IL6R: variants seen among roughly 807,000 people sequenced by gnomAD.
IL6R encodes the protein interleukin 6 receptor, also known as interleukin-6 receptor subunit alpha.
In IL6R, 38 loss-of-function variants were observed where a neutral mutation model predicts 48.3. The observed-to-expected ratio is 0.79, with a 90% confidence interval of 0.61 to 1.03. The LOEUF is 1.03. Ranked by LOEUF, IL6R falls within the 50% of genes least tolerant of loss-of-function variation. The pLI, the probability that IL6R is intolerant of heterozygous loss-of-function variation, is 0.00. For missense variants in IL6R, 534 were observed against 618.3 expected, an observed-to-expected ratio of 0.86 and a Z score of 1.45; for synonymous variants, 264 against 256.2, an observed-to-expected ratio of 1.03 and a Z score of -0.29.
rs1309026478 is a variant in IL6R at position 154,405,700 on chromosome 1, G to A, written c.71G>A (p.Arg24His). 1 of 1,518,472 alleles carries A rather than the reference G, an allele frequency of 6.6e-7. No individual in the cohort carries two copies. Among genetic ancestry groups the A allele is most frequent in the Non-Finnish European group, 8.8e-7 (1 of 1,140,446 alleles). The allele number at this position is 1,518,472 out of a possible 1,614,324, so 94.1% of individuals were successfully genotyped here. ...AAPGAALAPR[R>H]CPAQEVARGV... The stretch of plus-strand genomic sequence containing the variant: ...CCGGGAGCGGCGCTGGCCCCAAGGC[G>A]CTGCCCTGCGCAGGGTAAGGGCTTC... Residue 24 changes from arginine (R) to histidine (H), a missense_variant, in exon 1 of 10, where the codon CGC (arginine) becomes CAC (histidine). Physicochemically the swap from Arg to His is conservative, Grantham distance 29. Coordinates refer to ENST00000368485, the MANE Select transcript of IL6R (RefSeq NM_000565.4). The surrounding 1 kb of genome is among the most constrained non-coding windows in gnomAD (Gnocchi z 5.2).
intron 5 of IL6R, 100 bp downstream of exon 5, chr1:154,435,256 TC>T: frequency 4.2e-6 from 5 of 1,177,576 alleles, no homozygotes; most frequent in Non-Finnish European, 6.0e-6. Context: ...ACGCCTGTAA[TC>T]CCGGCCCTTT....
chr1:154,448,132 G>T lies in IL6R; in HGVS notation c.957G>T (p.Arg319Ser). The change falls in exon 7 of 10, where the codon AGG (arginine) becomes AGT (serine). Residue 319 changes from arginine to serine, a missense_variant. Arg to Ser is a moderately radical substitution (Grantham distance 110). Coordinates refer to ENST00000368485, the MANE Select transcript of IL6R (RefSeq NM_000565.4). The stretch of plus-strand genomic sequence containing the variant: ...CCTTTCTTCTGTCCGCAGAATCCAG[G>T]AGTCCTCCAGCTGAGAACGAGGTGT... ...EAMGTPWTESRSPPAENEVST... is the reference protein window; with the variant it reads ...EAMGTPWTESSSPPAENEVST... 6.2e-7 allele frequency: 1 copy of T among 1,613,806 alleles called. No individual in the cohort carries two copies. The highest frequency in any genetic ancestry group is 8.5e-7 in the Non-Finnish European group (1 of 1,179,790).
At chr1:154,425,589 A>G (rs918251974) in intron 1 of IL6R, among the ~76,000 whole-genome samples, 3 of 151,882 alleles carry the variant, frequency 2.0e-5, no homozygotes, top group African/African-American at 7.3e-5. Flanking sequence ...AGCCTGGGCA[A>G]TATAGTGAAA....
Position 154,405,829 on chromosome 1 carries a change from C to T in IL6R, c.85+115C>T. The T allele has an allele frequency of 3.8e-6, 3 of 799,370 alleles. No homozygotes were observed. The highest frequency in any genetic ancestry group is 5.5e-6 in the Non-Finnish European group (3 of 543,652). The allele number at this position is 799,370 out of a possible 1,614,324, so 49.5% of individuals were successfully genotyped here. A position where few individuals can be genotyped will look rare whatever the true frequency, so the allele number is the denominator to read the frequency against. On this transcript the variant is annotated intron_variant, in intron 1 of 9. Coordinates refer to ENST00000368485, the MANE Select transcript of IL6R (RefSeq NM_000565.4). The surrounding 1 kb of genome is among the most constrained non-coding windows in gnomAD (Gnocchi z 5.2). ...GAGGAAAGGAGGTGCGACGGATCCC[C>T]TTTTCTGTGGCTGCCTTGAGGCCCC... is the stretch of plus-strand genomic sequence containing the variant.
At chr1:154,462,415 C>T (rs1228234185) in intron 9 of IL6R, among the ~76,000 whole-genome samples, 1 of 150,630 alleles carries the variant, frequency 6.6e-6, no homozygotes, top group Non-Finnish European at 1.5e-5. Context: ...TTCTTATTGC[C>T]CAGGCTGGAA....
At chr1:154,448,890 T>C (rs1480245015) in intron 7 of IL6R, among the ~76,000 whole-genome samples, 7 of 136,096 alleles carry the variant, frequency 5.1e-5, no homozygotes, top group Admixed American at 2.2e-4. Context: ...TTTTTTTTTT[T>C]TTTTTTTTTT....
intron 1 of IL6R, chr1:154,418,491 G>A (rs1245465562): frequency 2.4e-6 from 2 of 826,250 alleles, no homozygotes; most frequent in Non-Finnish European, 1.5e-6. Context: ...CATATGTGGG[G>A]GAGGAGGGAG....
intron 1 of IL6R, among the ~76,000 whole-genome samples, chr1:154,420,511 T>TTTTATTTA (rs372431155): frequency 0.011 from 1,565 of 147,872 alleles, 22 homozygotes; most frequent in African/African-American, 0.03. Context: ...CTTTATTTTA[T>TTTTATTTA]TTTATTTATT....
rs555798357 is a variant in IL6R at position 154,468,141 on chromosome 1, A to G, written c.*2761A>G. ...TTCATAAGCTAATGTAAATGAAGAA[A>G]AAATGTCTTCTCTGGGCTGTAGGCC... On this transcript the variant is annotated 3_prime_UTR_variant, in exon 10 of 10. Coordinates refer to ENST00000368485, the MANE Select transcript of IL6R (RefSeq NM_000565.4). 8 of 152,342 alleles carry G rather than the reference A, an allele frequency of 5.3e-5. No individual in the cohort carries two copies. In the South Asian group the frequency reaches 1.4e-3, roughly 28 times the overall value. The allele number at this position is 152,342 out of a possible 1,614,324, so 9.4% of individuals were successfully genotyped here.
chr1:154,437,931 G>A (rs1017307382), intron 6 of IL6R, among the ~76,000 whole-genome samples: 1 of 150,272 alleles, frequency 6.7e-6, no homozygotes, highest in African/African-American at 2.5e-5. Flanking sequence ...GGCCAGGCTG[G>A]TCTTGAACTC....
intron 1 of IL6R, chr1:154,418,392 T>G: frequency 1.0e-6 from 1 of 984,528 alleles, no homozygotes; most frequent in Non-Finnish European, 1.2e-6. Context: ...TCTCCAGCAG[T>G]GTACAGTCCA....
chr1:154,454,400 A>G lies in IL6R; in HGVS notation c.1067-88A>G, dbSNP rs569667061. The G allele has an allele frequency of 1.3e-4, 112 of 843,652 alleles. No homozygotes were observed. In the African/African-American group the frequency reaches 1.5e-3, roughly 11 times the overall value. 52.3% of individuals were successfully genotyped at this position (843,652 alleles called of 1,614,324 possible). ...AGGTTCCTTTGAGGCTTTTGACAGC[A>G]CCAGCTAAGTGGTTTTCTTCTCCTC... is the stretch of plus-strand genomic sequence containing the variant. On this transcript the variant is annotated intron_variant, in intron 8 of 9. Coordinates refer to ENST00000368485, the MANE Select transcript of IL6R (RefSeq NM_000565.4).
intron 6 of IL6R, among the ~76,000 whole-genome samples, chr1:154,447,476 T>TATATATATATACATAC (rs1424013885): frequency 5.8e-5 from 4 of 68,836 alleles, no homozygotes; most frequent in South Asian, 4.7e-4. Context: ...TATATATATA[T>TATATATATATACATAC]ACACACACAC....
intron 8 of IL6R, among the ~76,000 whole-genome samples, chr1:154,453,192 C>T (rs568204214): frequency 3.3e-4 from 50 of 151,866 alleles, no homozygotes; most frequent in African/African-American, 1.2e-3. Flanking sequence ...GTGACAAGAG[C>T]GAGACTCCAT....
chr1:154,423,444 C>T (rs1688801774), intron 1 of IL6R, among the ~76,000 whole-genome samples: 1 of 151,726 alleles, frequency 6.6e-6, no homozygotes, highest in East Asian at 1.9e-4. Context: ...CTGAGAGTCA[C>T]CCATGAGGCT....
chr1:154,428,825 A>G (rs1332675630), intron 1 of IL6R, among the ~76,000 whole-genome samples: 2 of 151,828 alleles, frequency 1.3e-5, no homozygotes, highest in African/African-American at 2.4e-5. Flanking sequence ...GAGCGAGGGG[A>G]GTTGAGGGGA....
At chr1:154,436,171 A>G (rs758929968) in intron 6 of IL6R, 61 bp downstream of exon 6, 2 of 1,527,488 alleles carry the variant, frequency 1.3e-6, no homozygotes, top group African/African-American at 1.4e-5. Context: ...TCAGGTATCC[A>G]TTGCTATGTG....
chr1:154,423,631 C>T lies in IL6R; in HGVS notation c.86-5565C>T, dbSNP rs1328968179. On this transcript the variant is annotated intron_variant, in intron 1 of 9. Transcript: ENST00000368485. ...ATTCTGCATACAGTGCTTTTAAAAG[C>T]GTAGTTAACACAGTGTTGTTCGCAG... 4.6e-5 allele frequency among the ~76,000 whole-genome samples: 7 copies of T among 152,158 alleles called. No homozygotes were observed. The East Asian group carries it at 5.8e-4, about 13-fold the overall frequency.
At chr1:154,440,531 G>A (rs1044170630) in intron 6 of IL6R, among the ~76,000 whole-genome samples, 1 of 152,220 alleles carries the variant, frequency 6.6e-6, no homozygotes, top group Admixed American at 6.5e-5. Flanking sequence ...GTGTATAAGG[G>A]TTCCAGTTTC....
Sources: allele counts gnomAD v4.1 joint callset (sites outside exome capture counted in the v4.1 genomes callset), GRCh38; gene constraint gnomAD v4.1.1; non-coding constraint Gnocchi (gnomAD v3.1); transcripts MANE v1.5; gene names NCBI Gene and HGNC (gene_info 2026-07-23, HGNC 2026-07-21).